Variants in DGKB observed in about 807,000 individuals in gnomAD.
The protein encoded by DGKB is diacylglycerol kinase beta, also known as 90 kDa diacylglycerol kinase.
A neutral mutation model predicts 114.3 loss-of-function variants in DGKB; 67 were observed. The observed-to-expected ratio is 0.59, with a 90% CI of 0.48 to 0.72. The LOEUF is 0.72. DGKB is among the 30% of genes least tolerant of loss of function. DGKB has a pLI of 0.00. For synonymous variants in DGKB, 398 were observed against 323.1 expected (o/e 1.23, Z -2.49); for missense variants, 907 against 975.2 (o/e 0.93, Z 0.93).
At chr7:14,944,682 T>C (rs67851880) in intron 1 of DGKB, among the ~76,000 whole-genome samples, 19,082 of 151,550 alleles carry the variant, frequency 0.13, 1,311 homozygotes, top group Admixed American at 0.19. Flanking sequence ...CATGACTGTG[T>C]GTGTGAGGAA....
intron 21 of DGKB, among the ~76,000 whole-genome samples, chr7:14,440,704 T>G (rs1829963404): frequency 6.6e-6 from 1 of 152,188 alleles, no homozygotes; most frequent in Admixed American, 6.6e-5. Flanking sequence ...AAATAATGTT[T>G]AACACTCTTA....
intron 1 of DGKB, among the ~76,000 whole-genome samples, chr7:14,945,840 T>G (rs1395020244): frequency 6.6e-6 from 1 of 151,856 alleles, no homozygotes; most frequent in East Asian, 1.9e-4. Flanking sequence ...TGATTACTTA[T>G]CAACATCATA....
intron 1 of DGKB, among the ~76,000 whole-genome samples, chr7:14,860,644 A>G (rs74779396): frequency 1.3e-5 from 2 of 151,874 alleles, no homozygotes; most frequent in Non-Finnish European, 2.9e-5. Context: ...CTAGAGAAAA[A>G]TTTTAATTAG....
chr7:14,581,845 T>C (rs1226411777), intron 18 of DGKB, among the ~76,000 whole-genome samples: 2 of 152,192 alleles, frequency 1.3e-5, no homozygotes, highest in Non-Finnish European at 2.9e-5. Flanking sequence ...TCAGATACTT[T>C]TCCAGCTAAC....
chr7:14,359,487 G>A (rs1274334261), intron 21 of DGKB, among the ~76,000 whole-genome samples: 1 of 152,128 alleles, frequency 6.6e-6, no homozygotes, highest in Non-Finnish European at 1.5e-5. Context: ...AAACTAAAGA[G>A]CTTCTGCACA....
chr7:14,704,931 C>T (rs1242933056), intron 6 of DGKB, among the ~76,000 whole-genome samples: 22 of 152,198 alleles, frequency 1.4e-4, no homozygotes, highest in African/African-American at 2.6e-4. Context: ...TCCAAAGGAA[C>T]GCAGCTCCTC....
chr7:14,966,989 A>G (rs574571489), intron 1 of DGKB, among the ~76,000 whole-genome samples: 1 of 152,274 alleles, frequency 6.6e-6, no homozygotes, highest in South Asian at 2.1e-4. Context: ...ATATATTTTG[A>G]TGTATTTTAT....
chr7:14,473,536 C>G (rs1421700595), intron 21 of DGKB, among the ~76,000 whole-genome samples: 1 of 152,168 alleles, frequency 6.6e-6, no homozygotes, highest in Non-Finnish European at 1.5e-5. Flanking sequence ...CCTACTGGGG[C>G]ACCACCTAGT....
intron 2 of DGKB, among the ~76,000 whole-genome samples, chr7:14,828,123 T>C (rs934607291): frequency 2.6e-5 from 4 of 152,202 alleles, no homozygotes; most frequent in African/African-American, 9.6e-5. Context: ...CAAGAGCAGA[T>C]AAAATAAATG....
At position 14,852,487 on chromosome 7, in the gene DGKB, C is replaced by A. The variant is rs187870247; in HGVS notation, c.-187-11037G>T. On this transcript the variant is annotated intron_variant, in intron 1 of 25. Transcript: ENST00000402815. Reference sequence around the variant, plus strand: ...GAGGAATAGCTAAAATAGTGAAAGTCAAAAAAAAAACAGAAATCAAGCATA... The same window carrying A: ...GAGGAATAGCTAAAATAGTGAAAGTAAAAAAAAAAACAGAAATCAAGCATA... Among the ~76,000 whole-genome samples, 41 of 63,602 alleles carry A rather than the reference C, an allele frequency of 6.4e-4. 1 individual carries two copies. Among genetic ancestry groups the A allele is most frequent in the East Asian group, 2.5e-3 (5 of 2,000 alleles). The allele number at this position is 63,602 out of a possible 152,430, so 41.7% of individuals were successfully genotyped here.
chr7:14,466,351 G>C (rs964295595), intron 21 of DGKB, among the ~76,000 whole-genome samples: 13 of 152,076 alleles, frequency 8.5e-5, no homozygotes, highest in Non-Finnish European at 1.5e-5. Context: ...GAGGTCAAGA[G>C]ATCGAGACAA....
At chr7:14,433,405 G>T (rs1215290895) in intron 21 of DGKB, among the ~76,000 whole-genome samples, 1 of 151,978 alleles carries the variant, frequency 6.6e-6, no homozygotes, top group Non-Finnish European at 1.5e-5. Flanking sequence ...AGGCTTTGGG[G>T]GTCAGAGAGA....
intron 21 of DGKB, among the ~76,000 whole-genome samples, chr7:14,458,344 T>C (rs1275366708): frequency 6.6e-6 from 1 of 152,180 alleles, no homozygotes; most frequent in Non-Finnish European, 1.5e-5. Flanking sequence ...TTTAAATAAA[T>C]TCTGAATAAA....
chr7:14,219,699 T>C (rs1173662507), intron 23 of DGKB, among the ~76,000 whole-genome samples: 1 of 151,766 alleles, frequency 6.6e-6, no homozygotes, highest in African/African-American at 2.4e-5. Flanking sequence ...GATATATGAT[T>C]CCAATTATTT....
At chr7:14,286,500 G>A (rs932889422) in intron 23 of DGKB, among the ~76,000 whole-genome samples, 1 of 151,992 alleles carries the variant, frequency 6.6e-6, no homozygotes, top group Non-Finnish European at 1.5e-5. Flanking sequence ...GTTAACTATC[G>A]CTATTTTAAA....
chr7:14,479,609 A>G (rs919377389), intron 20 of DGKB, among the ~76,000 whole-genome samples: 2 of 152,106 alleles, frequency 1.3e-5, no homozygotes, highest in Non-Finnish European at 2.9e-5. Flanking sequence ...AAATATCAAG[A>G]TGGTTCACTT....
At chr7:14,618,872 T>G (rs1413005116) in intron 15 of DGKB, among the ~76,000 whole-genome samples, 1 of 151,482 alleles carries the variant, frequency 6.6e-6, no homozygotes, top group African/African-American at 2.4e-5. Context: ...AACTCAATGC[T>G]TTTTAATGAT....
chr7:14,598,699 A>C (rs1803015369), intron 17 of DGKB, among the ~76,000 whole-genome samples: 1 of 152,188 alleles, frequency 6.6e-6, no homozygotes, highest in South Asian at 2.1e-4. Context: ...TTTGCTGAAA[A>C]GTGTTATTGC....
chr7:14,162,405 AGT>A (rs1784035877), intron 25 of DGKB, among the ~76,000 whole-genome samples: 1 of 152,312 alleles, frequency 6.6e-6, no homozygotes, highest in South Asian at 2.1e-4. Flanking sequence ...AATTCTGATA[AGT>A]ACATACAGTT....
Sources: allele counts gnomAD v4.1 joint callset (sites outside exome capture counted in the v4.1 genomes callset), GRCh38; gene constraint gnomAD v4.1.1; transcripts MANE v1.5; gene names NCBI Gene and HGNC (gene_info 2026-07-23, HGNC 2026-07-21).